DAPK2: variants seen among roughly 807,000 people sequenced by gnomAD.
DAPK2 encodes death-associated protein kinase 2.
A neutral mutation model predicts 44.1 loss-of-function variants in DAPK2; 35 were observed. The observed-to-expected ratio is 0.79, with a 90% CI of 0.61 to 1.05. The LOEUF (loss-of-function observed/expected upper bound fraction) is 1.05, where lower values mean the gene tolerates loss of function less well. DAPK2 is among the 50% of genes least tolerant of loss of function. The pLI is 0.00. For missense variants in DAPK2, 453 were observed against 483.2 expected (o/e 0.94, Z 0.59); for synonymous variants, 174 against 182.6 (o/e 0.95, Z 0.38).
intron 1 of DAPK2, among the ~76,000 whole-genome samples, chr15:64,038,686 T>TAA (rs58709151): frequency 6.9e-6 from 1 of 145,534 alleles, no homozygotes; most frequent in African/African-American, 2.5e-5. Context: ...TTTGAAAGTT[T>TAA]AAAAAAAAAA....
intron 8 of DAPK2, chr15:63,919,836 A>G (rs529272430): frequency 1.3e-5 from 2 of 152,312 alleles, no homozygotes; most frequent in South Asian, 2.1e-4. Context: ...TTGCCCCATC[A>G]GTGGCTTCCT....
intron 8 of DAPK2, chr15:63,918,581 C>T (rs12592060): frequency 0.44 from 66,689 of 152,396 alleles, 16,990 homozygotes; most frequent in East Asian, 0.94. Flanking sequence ...CAGTGGCTCA[C>T]GCCTGTAATT....
intron 6 of DAPK2, among the ~76,000 whole-genome samples, chr15:63,927,320 A>G (rs1249303304): frequency 6.6e-6 from 1 of 152,160 alleles, no homozygotes; most frequent in Non-Finnish European, 1.5e-5. Context: ...GGTACACTTC[A>G]GCCACACTTA....
At chr15:63,947,526 A>G (rs1446132450) in intron 3 of DAPK2, among the ~76,000 whole-genome samples, 1 of 152,184 alleles carries the variant, frequency 6.6e-6, no homozygotes, top group Non-Finnish European at 1.5e-5. Context: ...CACGCCTTGG[A>G]ATCTGGGTTC....
chr15:64,046,381 GCGCGGCGGGAA>G, upstream of DAPK2: 2 of 374,656 alleles, frequency 5.3e-6, no homozygotes, highest in South Asian at 2.1e-4. This position sits in a 1 kb window ranked among gnomAD's most constrained non-coding sequence, Gnocchi z 5.3. Flanking sequence ...GGCGCGGCGG[GCGCGGCGGGAA>G]CGGGGGACGC....
chr15:63,994,659 G>A (rs1273120571), intron 1 of DAPK2, among the ~76,000 whole-genome samples: 4 of 147,316 alleles, frequency 2.7e-5, no homozygotes, highest in East Asian at 2.0e-4. Context: ...GCTCCATCTC[G>A]GCTCACTGCA....
At chr15:64,036,309 G>GTGTATATA (rs1255068392) in intron 1 of DAPK2, among the ~76,000 whole-genome samples, 1 of 60,518 alleles carries the variant, frequency 1.7e-5, no homozygotes, top group African/African-American at 4.1e-5. Context: ...GTGTGTGTGT[G>GTGTATATA]TATATATATG....
At chr15:64,040,137 C>T (rs745593462) in intron 1 of DAPK2, 33 bp downstream of exon 2, 53 of 1,569,190 alleles carry the variant, frequency 3.4e-5, no homozygotes, top group Non-Finnish European at 4.3e-5. Flanking sequence ...TTGGCTCCCT[C>T]GGCATCCCCC....
Position 64,006,639 on chromosome 15 carries a change from C to A in DAPK2, c.93-22885G>T, listed in dbSNP as rs542604806. 1.1e-4 allele frequency among the ~76,000 whole-genome samples: 16 copies of A among 152,328 alleles called. No homozygotes were observed. The South Asian group carries it at 3.3e-3, about 32-fold the overall frequency. On this transcript the variant is annotated intron_variant, in intron 1 of 10. Transcript: ENST00000261891. ...AAATAAAAGGAATTTCTTACCGTCA[C>A]CTCACTTTATAAATGGGGAAACTGA...
rs773404306 is a variant in DAPK2, at chr15:63,912,233, G to A, written c.859-36C>T. ...AAGCAGAGCATGGCAGCTGATGCTG[G>A]GCTTCAGACAGCAGCCACCCTCCTC... On this transcript the variant is annotated intron_variant, in intron 8 of 10. Coordinates refer to ENST00000261891, the Ensembl canonical transcript of DAPK2. The surrounding 1 kb of genome is among the most constrained non-coding windows in gnomAD (Gnocchi z 4.4). The A allele has an allele frequency of 1.9e-6, 3 of 1,602,622 alleles. No individual in the cohort carries two copies. Among genetic ancestry groups the A allele is most frequent in the Non-Finnish European group, 2.6e-6 (3 of 1,170,794 alleles).
rs759815702 is a variant in DAPK2 at position 63,912,123 on chromosome 15, G to A, written c.933C>T (p.Val311=). 25 of 1,613,792 alleles carry A rather than the reference G, an allele frequency of 1.5e-5. No individual in the cohort carries two copies. Among genetic ancestry groups the A allele is most frequent in the Non-Finnish European group, 2.1e-5 (25 of 1,179,928 alleles). ...CTGGACACACCTTCCACCGCCTGCG[G>A]ACATACTGCTTCCTGAAGTTCTCCA... Residue 311 remains valine, a synonymous_variant, in exon 9 of 11, where the codon GTC becomes GTT. Coordinates refer to ENST00000261891, the Ensembl canonical transcript of DAPK2. This position sits in a 1 kb window ranked among gnomAD's most constrained non-coding sequence, Gnocchi z 4.4.
At position 64,046,235 on chromosome 15, in the gene DAPK2, G is replaced by T. The variant is rs2080459411; in HGVS notation, c.-7+63C>A. On this transcript the variant is annotated intron_variant, in intron 1 of 11. Coordinates refer to the DAPK2 transcript ENST00000457488. This position sits in a 1 kb window ranked among gnomAD's most constrained non-coding sequence, Gnocchi z 5.3. ...CGCCCCGCCAGCCCCAGACCCGGGC[G>T]CTGCTGCCGTCAGGCCGCGCGCCCC... The T allele has an allele frequency of 2.9e-5, 21 of 720,800 alleles. No individual in the cohort carries two copies. Among genetic ancestry groups the T allele is most frequent in the Non-Finnish European group, 3.4e-5 (20 of 587,892 alleles). 44.7% of individuals were successfully genotyped at this position (720,800 alleles called of 1,614,324 possible). A position where few individuals can be genotyped will look rare whatever the true frequency, so the allele number is the denominator to read the frequency against.
intron 3 of DAPK2, among the ~76,000 whole-genome samples, chr15:63,940,081 C>T (rs1348457132): frequency 2.0e-5 from 3 of 152,162 alleles, no homozygotes; most frequent in Admixed American, 6.5e-5. Flanking sequence ...GCCTGGCCCT[C>T]ACACACCCCA....
intron 1 of DAPK2, among the ~76,000 whole-genome samples, chr15:64,004,517 C>A (rs2079176988): frequency 6.6e-6 from 1 of 152,174 alleles, no homozygotes; most frequent in South Asian, 2.1e-4. Context: ...GATGGGGCAG[C>A]TTGGTTTAGA....
At chr15:64,023,848 G>A (rs897031490) in intron 1 of DAPK2, among the ~76,000 whole-genome samples, 5 of 152,232 alleles carry the variant, frequency 3.3e-5, no homozygotes, top group African/African-American at 1.2e-4. Context: ...GTTACCATCT[G>A]CTACAGGAGG....
At position 64,013,422 on chromosome 15, in the gene DAPK2, T is replaced by C. The variant is rs560014815; in HGVS notation, c.92+26748A>G. On this transcript the variant is annotated intron_variant, in intron 1 of 10. Transcript: ENST00000261891. This position sits in a 1 kb window ranked among gnomAD's most constrained non-coding sequence, Gnocchi z 4.7. The stretch of plus-strand genomic sequence containing the variant: ...TACACTACGTGCCTTTAAGACTTAG[T>C]AATTGGGCAGAAAAGTGAAACCAGG... 2.4e-4 allele frequency among the ~76,000 whole-genome samples: 36 copies of C among 152,268 alleles called. No individual in the cohort carries two copies. The highest frequency in any genetic ancestry group is 8.2e-4 in the African/African-American group (34 of 41,538).
rs1435626165 is a variant in DAPK2 at position 63,990,758 on chromosome 15, A to G, written c.93-7004T>C. ...CTCTGGAATTACCCTGCGAGGTTTC[A>G]GGGCCATAGGGCAGGGATAATGCTT... On this transcript the variant is annotated intron_variant, in intron 1 of 10. Coordinates refer to ENST00000261891, the Ensembl canonical transcript of DAPK2. This position sits in a 1 kb window ranked among gnomAD's most constrained non-coding sequence, Gnocchi z 4.3. Among the ~76,000 whole-genome samples the G allele has an allele frequency of 6.6e-6, 1 of 152,224 alleles. No homozygotes were observed. The highest frequency in any genetic ancestry group is 1.5e-5 in the Non-Finnish European group (1 of 68,036).
chr15:63,954,259 T>A (rs996226385), intron 3 of DAPK2, among the ~76,000 whole-genome samples: 1 of 152,220 alleles, frequency 6.6e-6, no homozygotes, highest in Non-Finnish European at 1.5e-5. Flanking sequence ...TCTCCAATGT[T>A]TTCTTTTAGT....
At chr15:64,046,324 C>A, upstream of DAPK2, 2 of 958,306 alleles carry the variant, frequency 2.1e-6, no homozygotes, top group South Asian at 9.4e-5. The surrounding 1 kb of genome is among the most constrained non-coding windows in gnomAD (Gnocchi z 5.3). Flanking sequence ...GCCGCGGTCG[C>A]GGCCGCGGCA....
Sources: gnomAD v4.1 joint callset for allele counts (sites outside exome capture counted in the v4.1 genomes callset) on GRCh38, gnomAD v4.1.1 for gene constraint, Gnocchi (gnomAD v3.1) non-coding constraint, MANE v1.5 for transcripts, NCBI Gene and HGNC (gene_info 2026-07-23, HGNC 2026-07-21) for gene names.